Variants in CAMK1D observed in about 807,000 individuals in gnomAD.
CAMK1D encodes calcium/calmodulin-dependent protein kinase type 1D.
A neutral mutation model predicts 47.7 loss-of-function variants in CAMK1D; 9 were observed. The observed-to-expected ratio is 0.19, with a 90% CI of 0.11 to 0.33. CAMK1D has a LOEUF of 0.33. CAMK1D is among the 10% of genes least tolerant of loss of function. The pLI is 1.00. For synonymous variants in CAMK1D, 184 were observed against 184.9 expected (o/e 0.99, Z 0.04); for missense variants, 291 against 488.7 (o/e 0.60, Z 3.81).
intron 6 of CAMK1D, 109 bp from the exon 7 acceptor site, chr10:12,814,086 G>A (rs1291774084): frequency 1.4e-6 from 1 of 731,958 alleles, no homozygotes; most frequent in Non-Finnish European, 2.4e-6. Context: ...ACTGTGCCTT[G>A]CCAGATTTTC....
At chr10:12,393,277 C>A (rs146623622) in intron 1 of CAMK1D, among the ~76,000 whole-genome samples, 4 of 152,094 alleles carry the variant, frequency 2.6e-5, no homozygotes, top group Admixed American at 6.6e-5. Context: ...GTGATCCGCA[C>A]GCCTCGGCCT....
At chr10:12,562,678 G>C (rs1836982745) in intron 2 of CAMK1D, among the ~76,000 whole-genome samples, 1 of 152,136 alleles carries the variant, frequency 6.6e-6, no homozygotes, top group African/African-American at 2.4e-5. Flanking sequence ...ACCTCCTTCA[G>C]GACACCTCTT....
At chr10:12,584,363 G>A (rs1220481684) in intron 2 of CAMK1D, among the ~76,000 whole-genome samples, 1 of 152,204 alleles carries the variant, frequency 6.6e-6, no homozygotes, top group African/African-American at 2.4e-5. Flanking sequence ...GAGGAGGAGA[G>A]ATAATGACCA....
At chr10:12,645,915 A>G (rs1839799004) in intron 2 of CAMK1D, among the ~76,000 whole-genome samples, 1 of 152,108 alleles carries the variant, frequency 6.6e-6, no homozygotes, top group African/African-American at 2.4e-5. Context: ...GTCTGACTTT[A>G]AACTATTTTC....
intron 2 of CAMK1D, among the ~76,000 whole-genome samples, chr10:12,592,365 G>A (rs995250894): frequency 6.6e-6 from 1 of 152,094 alleles, no homozygotes; most frequent in Admixed American, 6.6e-5. Flanking sequence ...CACAACTAAG[G>A]TTCATTATTT....
At chr10:12,540,922 G>GTT (rs200320640) in intron 1 of CAMK1D, among the ~76,000 whole-genome samples, 264 of 144,948 alleles carry the variant, frequency 1.8e-3, no homozygotes, top group Middle Eastern at 7.1e-3. Context: ...TGAGTTATAG[G>GTT]TTTTTTTTTT....
chr10:12,578,591 G>A (rs1232771433), intron 2 of CAMK1D, among the ~76,000 whole-genome samples: 3 of 74,666 alleles, frequency 4.0e-5, no homozygotes, highest in African/African-American at 1.4e-4. Flanking sequence ...AAAAAGTTTT[G>A]TAGAGATGAG....
Position 12,553,328 on chromosome 10 carries a change from A to T in CAMK1D, c.196A>T (p.Ile66Leu). The change falls in exon 2 of 11, where the codon ATA becomes TTA. Residue 66 changes from isoleucine (I) to leucine (L), a missense_variant. Ile to Leu is a conservative substitution (Grantham distance 5). Around this residue, in one of 2 missense-constraint regions of CAMK1D, gnomAD observed 219 missense variants for 424.3 expected, o/e 0.52. Transcript: ENST00000619168. The stretch of plus-strand genomic sequence containing the variant: ...GGCGCTGAAGGGCAAGGAAAGCAGC[A>T]TAGAGAATGAGATAGCCGTCCTGAG... ...KKALKGKESS[I>L]ENEIAVLRKI... 1 of 1,614,078 alleles carries T rather than the reference A, an allele frequency of 6.2e-7. No homozygotes were observed. Among genetic ancestry groups the T allele is most frequent in the Non-Finnish European group, 8.5e-7 (1 of 1,179,934 alleles).
At chr10:12,540,987 A>G (rs1480950809) in intron 1 of CAMK1D, among the ~76,000 whole-genome samples, 2 of 151,992 alleles carry the variant, frequency 1.3e-5, no homozygotes, top group Non-Finnish European at 2.9e-5. Flanking sequence ...GCATAAACAA[A>G]TGTATGGCTT....
chr10:12,516,944 AT>A (rs1835228665), intron 1 of CAMK1D, among the ~76,000 whole-genome samples: 1 of 152,154 alleles, frequency 6.6e-6, no homozygotes, highest in African/African-American at 2.4e-5. Flanking sequence ...TTGAATTGGG[AT>A]TGCATCGAAT....
At chr10:12,563,996 C>G (rs1837037207) in intron 2 of CAMK1D, among the ~76,000 whole-genome samples, 1 of 152,124 alleles carries the variant, frequency 6.6e-6, no homozygotes, top group Non-Finnish European at 1.5e-5. Flanking sequence ...GATCTTTCCC[C>G]TTTCTTCTGT....
intron 3 of CAMK1D, among the ~76,000 whole-genome samples, chr10:12,711,089 A>G (rs913427571): frequency 2.6e-5 from 4 of 152,088 alleles, no homozygotes; most frequent in African/African-American, 7.2e-5. Flanking sequence ...CTCCCCTTCT[A>G]TTTCTTGGTA....
At chr10:12,751,051 AATAAGATAAGATAAGATAAG>A (rs141001552) in intron 3 of CAMK1D, among the ~76,000 whole-genome samples, 19,185 of 135,750 alleles carry the variant, frequency 0.14, 1,612 homozygotes, top group South Asian at 0.16. Flanking sequence ...CGTCTCCCCC[AATAAGATAAGATAAGATAAG>A]ATAAGATAAG....
At chr10:12,778,476 G>A (rs936453270) in intron 5 of CAMK1D, among the ~76,000 whole-genome samples, 9 of 152,206 alleles carry the variant, frequency 5.9e-5, no homozygotes, top group African/African-American at 1.7e-4. Context: ...AGATGTGGGC[G>A]GCTCATAGGG....
intron 3 of CAMK1D, among the ~76,000 whole-genome samples, chr10:12,693,964 A>ATT (rs1833047432): frequency 2.9e-5 from 1 of 34,172 alleles, no homozygotes; most frequent in African/African-American, 9.9e-5. Context: ...TATTATATAT[A>ATT]AAATATATAA....
At chr10:12,755,464 G>A (rs967673490) in intron 3 of CAMK1D, among the ~76,000 whole-genome samples, 1 of 152,200 alleles carries the variant, frequency 6.6e-6, no homozygotes, top group African/African-American at 2.4e-5. Context: ...GTAAACATAC[G>A]TGTGCATGTG....
chr10:12,717,707 G>C (rs1041417399), intron 3 of CAMK1D, among the ~76,000 whole-genome samples: 2 of 140,768 alleles, frequency 1.4e-5, no homozygotes, highest in Non-Finnish European at 3.0e-5. Flanking sequence ...ATAACATAGA[G>C]AGGCTTTGTC....
intron 1 of CAMK1D, among the ~76,000 whole-genome samples, chr10:12,533,208 G>A (rs1188110022): frequency 6.6e-6 from 1 of 152,098 alleles, no homozygotes; most frequent in Admixed American, 6.5e-5. Flanking sequence ...TACACCTACT[G>A]TGTACCCACA....
At chr10:12,589,172 G>A (rs545033110) in intron 2 of CAMK1D, among the ~76,000 whole-genome samples, 1 of 152,154 alleles carries the variant, frequency 6.6e-6, no homozygotes, top group East Asian at 1.9e-4. Flanking sequence ...CACAATGCCC[G>A]GATAACATTT....
Sources: allele counts gnomAD v4.1 joint callset (sites outside exome capture counted in the v4.1 genomes callset), GRCh38; gene constraint gnomAD v4.1.1; regional missense constraint gnomAD v4.1.1; transcripts MANE v1.5; gene names NCBI Gene and HGNC (gene_info 2026-07-23, HGNC 2026-07-21).